Variants in SMIM14 observed in about 807,000 individuals in gnomAD.
SMIM14 encodes the protein chromosome 4 open reading frame 34.
SMIM14 carries 5 observed loss-of-function variants against 12.6 expected under a neutral mutation model. The observed-to-expected ratio is 0.40, with a 90% CI of 0.21 to 0.83. The LOEUF (loss-of-function observed/expected upper bound fraction) is 0.83, where lower values mean the gene tolerates loss of function less well. SMIM14 is among the 40% of genes least tolerant of loss of function. SMIM14 has a pLI of 0.37. For synonymous variants in SMIM14, 30 were observed against 40.1 expected, an observed-to-expected ratio of 0.75 and a Z score of 0.95; for missense variants, 86 against 119.1, an observed-to-expected ratio of 0.72 and a Z score of 1.29.
intron 3 of SMIM14, among the ~76,000 whole-genome samples, chr4:39,572,112 T>C (rs1712920926): frequency 6.6e-6 from 1 of 151,944 alleles, no homozygotes; most frequent in African/African-American, 2.4e-5. Context: ...CCTTTTTTTT[T>C]CCTTATACTT....
intron 1 of SMIM14, among the ~76,000 whole-genome samples, chr4:39,609,829 G>A (rs956419): frequency 1.3e-5 from 2 of 152,204 alleles, no homozygotes; most frequent in Non-Finnish European, 2.9e-5. Context: ...TAGTTAAAAT[G>A]CTCTTTCAAC....
chr4:39,599,628 G>C (rs928428017), intron 2 of SMIM14, among the ~76,000 whole-genome samples: 10 of 152,068 alleles, frequency 6.6e-5, no homozygotes, highest in Non-Finnish European at 1.5e-5. Flanking sequence ...GATGTGGGTT[G>C]AAAGAAGAGG....
intron 1 of SMIM14, among the ~76,000 whole-genome samples, chr4:39,610,891 T>A (rs1381033055): frequency 6.6e-6 from 1 of 152,068 alleles, no homozygotes. Flanking sequence ...TACAAGAAGA[T>A]GACTGGGATA....
At chr4:39,579,391 C>G (rs868665668) in intron 2 of SMIM14, among the ~76,000 whole-genome samples, 1 of 128,108 alleles carries the variant, frequency 7.8e-6, no homozygotes, top group Non-Finnish European at 1.6e-5. Context: ...GTCTGGACAA[C>G]ACAGTGAGAC....
At position 39,572,556 on chromosome 4, in the gene SMIM14, G is replaced by A; in HGVS notation, c.76-93C>T. The stretch of plus-strand genomic sequence containing the variant: ...GATCATGTTTTGGCCGGGTGCGGTG[G>A]CTCACGCCTGTAATCCCACACTTTG... On this transcript the variant is annotated intron_variant, in intron 2 of 4. Transcript: ENST00000295958. The A allele has an allele frequency of 3.9e-6, 4 of 1,013,338 alleles. No homozygotes were observed. The South Asian group carries it at 5.2e-5, about 13-fold the overall frequency. The allele number at this position is 1,013,338 out of a possible 1,614,324, so 62.8% of individuals were successfully genotyped here. A position where few individuals can be genotyped will look rare whatever the true frequency, so the allele number is the denominator to read the frequency against.
intron 4 of SMIM14, among the ~76,000 whole-genome samples, chr4:39,554,109 A>G (rs900911818): frequency 2.6e-5 from 4 of 152,230 alleles, no homozygotes; most frequent in African/African-American, 9.6e-5. Flanking sequence ...CACTGGAGAA[A>G]AGAAACAATT....
intron 1 of SMIM14, among the ~76,000 whole-genome samples, chr4:39,626,577 G>C (rs1451330809): frequency 6.6e-6 from 1 of 152,094 alleles, no homozygotes; most frequent in Non-Finnish European, 1.5e-5. Flanking sequence ...GTTCAGAGGA[G>C]GATACAGAAG....
intron 1 of SMIM14, among the ~76,000 whole-genome samples, chr4:39,613,825 A>C (rs539761608): frequency 8.5e-5 from 13 of 152,304 alleles, no homozygotes; most frequent in Admixed American, 7.8e-4. Context: ...AGCAGCTTCA[A>C]GACTTGTTTC....
At chr4:39,569,002 A>C (rs16995405) in intron 3 of SMIM14, among the ~76,000 whole-genome samples, 18,798 of 152,174 alleles carry the variant, frequency 0.12, 2,680 homozygotes, top group African/African-American at 0.35. Flanking sequence ...GGGGCTGGTT[A>C]AAGAGTCACA....
At chr4:39,554,254 C>T (rs914023497) in intron 4 of SMIM14, among the ~76,000 whole-genome samples, 23 of 152,180 alleles carry the variant, frequency 1.5e-4, no homozygotes, top group Non-Finnish European at 2.6e-4. Flanking sequence ...AGGCACAGCA[C>T]CTGAGGTTAG....
At chr4:39,595,851 C>T (rs549631211) in intron 2 of SMIM14, among the ~76,000 whole-genome samples, 19 of 152,160 alleles carry the variant, frequency 1.2e-4, no homozygotes, top group Non-Finnish European at 2.2e-4. Context: ...CTCAAGTGAT[C>T]GGTGGCCTCT....
At chr4:39,616,446 C>T (rs776629144) in intron 1 of SMIM14, among the ~76,000 whole-genome samples, 4 of 152,034 alleles carry the variant, frequency 2.6e-5, no homozygotes, top group Non-Finnish European at 5.9e-5. Flanking sequence ...CATTTTATAA[C>T]TTGGGAGTTT....
At chr4:39,580,811 T>C (rs1289769433) in intron 2 of SMIM14, among the ~76,000 whole-genome samples, 1 of 151,916 alleles carries the variant, frequency 6.6e-6, no homozygotes. Flanking sequence ...AGGTGTGAGC[T>C]ACCGCACCCA....
At chr4:39,631,712 C>T (rs1380635392) in intron 1 of SMIM14, among the ~76,000 whole-genome samples, 1 of 151,710 alleles carries the variant, frequency 6.6e-6, no homozygotes, top group Non-Finnish European at 1.5e-5. Context: ...GCAGCCAGAA[C>T]ACTGACTTCT....
chr4:39,605,168 T>A lies in SMIM14; in HGVS notation c.-23A>T. ...CATGATTACCCAGCTTGATTTTACT[T>A]GACTGTTTAAATCTAGGAGGAAGGA... On this transcript the variant is annotated 5_prime_UTR_variant, in exon 2 of 5. Transcript: ENST00000295958. The A allele has an allele frequency of 6.3e-7, 1 of 1,592,878 alleles. No homozygotes were observed. Among genetic ancestry groups the A allele is most frequent in the Non-Finnish European group, 8.5e-7 (1 of 1,175,256 alleles).
intron 2 of SMIM14, 24 bp downstream of exon 2, chr4:39,605,047 T>C: frequency 7.1e-7 from 1 of 1,414,884 alleles, no homozygotes; most frequent in Non-Finnish European, 1.0e-6. Flanking sequence ...CAGTTCAGAA[T>C]AGGATTGTCC....
At chr4:39,617,119 A>G (rs1715254481) in intron 1 of SMIM14, among the ~76,000 whole-genome samples, 1 of 152,182 alleles carries the variant, frequency 6.6e-6, no homozygotes, top group African/African-American at 2.4e-5. Flanking sequence ...AAATATTTAC[A>G]TATATGTACA....
intron 4 of SMIM14, 55 bp from the exon 5 acceptor site, chr4:39,552,213 T>A (rs914406965): frequency 9.8e-6 from 14 of 1,433,348 alleles, no homozygotes; most frequent in African/African-American, 5.8e-5. Flanking sequence ...TTCAAAAAAA[T>A]TTAAAATTTA....
intron 1 of SMIM14, among the ~76,000 whole-genome samples, chr4:39,633,262 C>G (rs1330894775): frequency 6.6e-6 from 1 of 151,916 alleles, no homozygotes; most frequent in African/African-American, 2.4e-5. Flanking sequence ...CCACTGCACT[C>G]CAGTCTGGGC....
Sources: gnomAD v4.1 joint callset for allele counts (sites outside exome capture counted in the v4.1 genomes callset) on GRCh38, gnomAD v4.1.1 for gene constraint, MANE v1.5 for transcripts, NCBI Gene and HGNC (gene_info 2026-07-23, HGNC 2026-07-21) for gene names.